MEGF10: variants seen among roughly 807,000 people sequenced by gnomAD.
MEGF10 encodes the protein multiple epidermal growth factor-like domains protein 10.
In MEGF10, 86 loss-of-function variants were observed where a neutral mutation model predicts 147.5. That is an observed-to-expected ratio of 0.58 (90% confidence interval 0.49 to 0.70). MEGF10 has a LOEUF of 0.70. Among genes scored for constraint, MEGF10 ranks in the 30% least tolerant of loss-of-function variants. The probability of loss-of-function intolerance (pLI) is 0.00; values close to 1 mark genes in which losing one functional copy is unlikely to be tolerated. For missense variants in MEGF10, 1,329 were observed against 1,487.3 expected, an observed-to-expected ratio of 0.89 and a Z score of 1.75; for synonymous variants, 478 against 525.5, an observed-to-expected ratio of 0.91 and a Z score of 1.24.
At chr5:127,389,288 C>A (rs769719593) in intron 5 of MEGF10, among the ~76,000 whole-genome samples, 2 of 152,058 alleles carry the variant, frequency 1.3e-5, no homozygotes, top group Admixed American at 6.6e-5. Context: ...CAGATGCTGG[C>A]GAGGTTGTTG....
chr5:127,290,269 C>G (rs1759184252), upstream of MEGF10, among the ~76,000 whole-genome samples: 1 of 152,068 alleles, frequency 6.6e-6, no homozygotes, highest in African/African-American at 2.4e-5. Flanking sequence ...TTTCCATGTA[C>G]TTTGCTGCCA....
the MEGF10 span, among the ~76,000 whole-genome samples, chr5:127,271,774 A>C: frequency 3.9e-5 from 6 of 152,140 alleles, no homozygotes; most frequent in Non-Finnish European, 8.8e-5. Context: ...CATGATTGTA[A>C]GTTTCCTGAG....
At chr5:127,410,680 G>T (rs1180633639) in intron 9 of MEGF10, 79 bp downstream of exon 9, 3 of 1,307,894 alleles carry the variant, frequency 2.3e-6, no homozygotes, top group East Asian at 5.1e-5. Context: ...AGGAGGGATT[G>T]ATAGAGTGAT....
chr5:127,326,027 T>C (rs577330428), intron 1 of MEGF10, among the ~76,000 whole-genome samples: 40 of 151,276 alleles, frequency 2.6e-4, no homozygotes, highest in African/African-American at 9.5e-4. Context: ...CCTCACCCTA[T>C]ACTCCACCCC....
chr5:127,380,311 C>A (rs1406863326), intron 5 of MEGF10, among the ~76,000 whole-genome samples: 2 of 151,990 alleles, frequency 1.3e-5, no homozygotes, highest in Non-Finnish European at 2.9e-5. Flanking sequence ...TTTTTAGGGG[C>A]TCTTAGTTTG....
intron 1 of MEGF10, among the ~76,000 whole-genome samples, chr5:127,311,355 T>C (rs753351752): frequency 6.6e-6 from 1 of 152,234 alleles, no homozygotes; most frequent in African/African-American, 2.4e-5. Flanking sequence ...ACATTCTTCT[T>C]TACACTTGGC....
chr5:127,300,084 C>T (rs1194912827), intron 1 of MEGF10: 1 of 152,184 alleles, frequency 6.6e-6, no homozygotes, highest in East Asian at 1.9e-4. Context: ...TTTTCATTCC[C>T]CCCCTCTGTT....
chr5:127,302,368 G>A (rs529249334), intron 1 of MEGF10, among the ~76,000 whole-genome samples: 10 of 152,162 alleles, frequency 6.6e-5, no homozygotes, highest in Non-Finnish European at 1.2e-4. Context: ...AAAAAAGCTA[G>A]ACACAAAAGA....
intron 4 of MEGF10, among the ~76,000 whole-genome samples, chr5:127,369,252 T>C (rs544901287): frequency 6.3e-4 from 96 of 152,320 alleles, no homozygotes; most frequent in African/African-American, 2.3e-3. Context: ...CATCAGACTG[T>C]CCATTCACTC....
At chr5:127,423,255 T>C (rs1376087218) in intron 13 of MEGF10, among the ~76,000 whole-genome samples, 1 of 152,232 alleles carries the variant, frequency 6.6e-6, no homozygotes, top group Admixed American at 6.5e-5. Flanking sequence ...TTTTTTACGA[T>C]AATGTTCTGG....
intron 4 of MEGF10, 106 bp downstream of exon 4, chr5:127,340,736 A>G (rs1761649094): frequency 1.2e-6 from 1 of 844,886 alleles, no homozygotes; most frequent in African/African-American, 1.7e-5. Flanking sequence ...GGTGTCTTGG[A>G]ACATTCCTTT....
At chr5:127,418,793 T>C (rs1764873448) in intron 10 of MEGF10, among the ~76,000 whole-genome samples, 1 of 152,222 alleles carries the variant, frequency 6.6e-6, no homozygotes, top group Non-Finnish European at 1.5e-5. Context: ...AGATACAATT[T>C]ATTTTTATAT....
At chr5:127,395,285 T>C (rs1763859246) in intron 5 of MEGF10, among the ~76,000 whole-genome samples, 1 of 152,134 alleles carries the variant, frequency 6.6e-6, no homozygotes, top group Non-Finnish European at 1.5e-5. Context: ...CTGACTTTTG[T>C]ATTGCAGCCG....
chr5:127,376,951 A>G (rs984955890), intron 5 of MEGF10, among the ~76,000 whole-genome samples: 5 of 152,074 alleles, frequency 3.3e-5, no homozygotes, highest in Admixed American at 2.6e-4. Flanking sequence ...AGCAAGAATC[A>G]GCAACAGTGA....
intron 4 of MEGF10, among the ~76,000 whole-genome samples, chr5:127,359,428 A>G (rs558231846): frequency 1.4e-4 from 22 of 152,210 alleles, no homozygotes; most frequent in Non-Finnish European, 2.4e-4. Flanking sequence ...GTACAATTTG[A>G]TAAATATTGA....
At chr5:127,389,012 A>C (rs1192825432) in intron 5 of MEGF10, among the ~76,000 whole-genome samples, 3 of 152,160 alleles carry the variant, frequency 2.0e-5, no homozygotes, top group Non-Finnish European at 4.4e-5. Context: ...ATATTAGATG[A>C]GAAATATAAT....
intron 1 of MEGF10, among the ~76,000 whole-genome samples, chr5:127,299,108 C>T (rs949889341): frequency 4.6e-5 from 7 of 152,192 alleles, no homozygotes; most frequent in African/African-American, 7.2e-5. Flanking sequence ...TTATTTTCTA[C>T]TGCGTCACAC....
Position 127,433,105 on chromosome 5 carries a change from T to C in MEGF10, c.1694-258T>C, listed in dbSNP as rs188060347. The stretch of plus-strand genomic sequence containing the variant: ...CAGAGCCCTTGGGCTTCCACTTTAT[T>C]GCCTCCTCCTGAAGAAGAAAAATCA... On this transcript the variant is annotated intron_variant, in intron 13 of 24. Coordinates refer to ENST00000503335, the MANE Select transcript of MEGF10 (RefSeq NM_001256545.2). 2.3e-3 allele frequency among the ~76,000 whole-genome samples: 351 copies of C among 152,360 alleles called. 3 individuals carry two copies. The highest frequency in any genetic ancestry group is 0.01 in the Middle Eastern group (3 of 294).
chr5:127,292,183 T>G (rs4836316), intron 1 of MEGF10, among the ~76,000 whole-genome samples: 59,326 of 151,830 alleles, frequency 0.39, 12,074 homozygotes, highest in Middle Eastern at 0.56. Context: ...CCACTGAGAG[T>G]TCAAAGAGTT....
Sources: gnomAD v4.1 joint callset for allele counts (sites outside exome capture counted in the v4.1 genomes callset) on GRCh38, gnomAD v4.1.1 for gene constraint, MANE v1.5 for transcripts, NCBI Gene and HGNC (gene_info 2026-07-23, HGNC 2026-07-21) for gene names.